The following TLE1 variants were observed in gnomAD, a reference collection of about 807,000 sequenced individuals.
TLE1 encodes the protein transducin-like enhancer protein 1.
A neutral mutation model predicts 89.8 loss-of-function variants in TLE1; 21 were observed. The ratio of observed to expected loss-of-function variants is 0.23; its 90% CI spans 0.17 to 0.34. TLE1 has a LOEUF of 0.34. Ranked by LOEUF, TLE1 falls within the 10% of genes least tolerant of loss-of-function variation. The probability of loss-of-function intolerance (pLI) is 1.00; values close to 1 mark genes in which losing one functional copy is unlikely to be tolerated. For synonymous variants in TLE1, 447 were observed against 407.6 expected (o/e 1.10, Z -1.16); for missense variants, 795 against 1,031.2 (o/e 0.77, Z 3.14).
intron 2 of TLE1, 120 bp downstream of exon 2, chr9:81,687,214 G>T (rs1396759303): frequency 9.1e-6 from 7 of 771,302 alleles, no homozygotes; most frequent in Non-Finnish European, 1.5e-5. Context: ...GGTCTTAACT[G>T]AGACTCCACA....
intron 6 of TLE1, among the ~76,000 whole-genome samples, chr9:81,643,665 G>C (rs941641466): frequency 6.6e-6 from 1 of 152,088 alleles, no homozygotes; most frequent in Non-Finnish European, 1.5e-5. Context: ...CTCCTGAGTA[G>C]CTGGGACTAC....
At chr9:81,605,059 G>A (rs533298285) in intron 14 of TLE1, among the ~76,000 whole-genome samples, 3 of 152,284 alleles carry the variant, frequency 2.0e-5, no homozygotes, top group South Asian at 2.1e-4. Context: ...GCCTGGCATC[G>A]CACACAAAGC....
intron 4 of TLE1, among the ~76,000 whole-genome samples, chr9:81,668,413 T>A (rs1249249518): frequency 6.6e-6 from 1 of 152,070 alleles, no homozygotes; most frequent in Non-Finnish European, 1.5e-5. Context: ...AGCAAAAGGA[T>A]CCTAGATGAC....
intron 6 of TLE1, among the ~76,000 whole-genome samples, chr9:81,640,336 A>T (rs1445174985): frequency 6.6e-6 from 1 of 152,116 alleles, no homozygotes; most frequent in African/African-American, 2.4e-5. Context: ...GTACCCTGTC[A>T]CAACACAAAA....
intron 6 of TLE1, among the ~76,000 whole-genome samples, chr9:81,649,889 G>A (rs1407098144): frequency 6.6e-6 from 1 of 152,136 alleles, no homozygotes; most frequent in Non-Finnish European, 1.5e-5. Flanking sequence ...CAAAAATCAA[G>A]CATATGCCAC....
Position 81,632,254 on chromosome 9 carries a change from ATT to A in TLE1, c.594+1092_594+1093del, listed in dbSNP as rs367687065. The stretch of plus-strand genomic sequence containing the variant: ...TCCCCTCTCAACATTTTCCAGAGAA[ATT>A]TATAGGACAAGAATTTTAAAACTAG... On this transcript the variant is annotated intron_variant, in intron 8 of 19. Transcript: ENST00000376499. Among the ~76,000 whole-genome samples the A allele has an allele frequency of 2.2e-3, 332 of 152,216 alleles. 3 individuals carry two copies. The highest frequency in any genetic ancestry group is 7.2e-3 in the African/African-American group (297 of 41,520).
At chr9:81,599,547 G>A (rs529225334) in intron 14 of TLE1, among the ~76,000 whole-genome samples, 1 of 152,104 alleles carries the variant, frequency 6.6e-6, no homozygotes. Context: ...TAATAAAGGC[G>A]GTGGCTGGGA....
intron 4 of TLE1, among the ~76,000 whole-genome samples, chr9:81,682,002 T>C (rs892718137): frequency 3.3e-5 from 5 of 151,824 alleles, no homozygotes; most frequent in African/African-American, 1.2e-4. Context: ...TCCTAGCACT[T>C]TGGGAGGCCA....
At chr9:81,661,769 A>G (rs545525315) in intron 4 of TLE1, among the ~76,000 whole-genome samples, 6 of 152,104 alleles carry the variant, frequency 3.9e-5, no homozygotes, top group Non-Finnish European at 8.8e-5. Context: ...CCCCCCCAAA[A>G]AAAATGTACA....
chr9:81,622,661 AG>A (rs756058663), intron 8 of TLE1, among the ~76,000 whole-genome samples: 59 of 152,358 alleles, frequency 3.9e-4, no homozygotes, highest in Non-Finnish European at 1.6e-4. Flanking sequence ...TAATCTGAAT[AG>A]GTTTTGAAAA....
chr9:81,622,813 G>T (rs148393875), intron 8 of TLE1, among the ~76,000 whole-genome samples: 47 of 152,202 alleles, frequency 3.1e-4, no homozygotes, highest in Admixed American at 6.5e-4. Context: ...CTGTAAAACT[G>T]ACTCAAAACA....
At chr9:81,610,347 T>C in intron 13 of TLE1, 51 bp from the exon 14 acceptor site, 1 of 1,380,666 alleles carries the variant, frequency 7.2e-7, no homozygotes, top group Non-Finnish European at 1.0e-6. Context: ...AGCAGGCACT[T>C]TGTGAACATC....
intron 6 of TLE1, among the ~76,000 whole-genome samples, chr9:81,646,582 T>C (rs148324186): frequency 6.6e-6 from 1 of 152,314 alleles, no homozygotes; most frequent in East Asian, 1.9e-4. Context: ...GCCAACCTCA[T>C]CCTCTTAAAC....
intron 12 of TLE1, 132 bp from the exon 13 acceptor site, chr9:81,612,091 G>A: frequency 4.2e-6 from 3 of 713,066 alleles, no homozygotes; most frequent in Non-Finnish European, 6.0e-6. Context: ...AGGGGAGGGG[G>A]AAAATCACCT....
chr9:81,687,918 T>G (rs1333455406), intron 1 of TLE1, among the ~76,000 whole-genome samples: 1 of 151,860 alleles, frequency 6.6e-6, no homozygotes, highest in Non-Finnish European at 1.5e-5. Flanking sequence ...GGGGGCGCCC[T>G]GCCCCCACTC....
chr9:81,664,492 GTC>G (rs2132824491), intron 4 of TLE1, among the ~76,000 whole-genome samples: 1 of 152,286 alleles, frequency 6.6e-6, no homozygotes, highest in East Asian at 1.9e-4. Context: ...AATCTAATGT[GTC>G]TGAGTAGCTT....
At chr9:81,628,504 C>T (rs899668198) in intron 8 of TLE1, among the ~76,000 whole-genome samples, 26 of 152,094 alleles carry the variant, frequency 1.7e-4, no homozygotes, top group African/African-American at 6.3e-4. Context: ...TCCTCCTTGC[C>T]TTCTATAATG....
rs1366272977 is a variant in TLE1, at chr9:81,608,886, G to A, written c.1331+1334C>T. Among the ~76,000 whole-genome samples the A allele has an allele frequency of 4.6e-5, 7 of 151,238 alleles. No individual in the cohort carries two copies. In the East Asian group the frequency reaches 7.8e-4, roughly 17 times the overall value. On this transcript the variant is annotated intron_variant, in intron 14 of 19. Coordinates refer to ENST00000376499, the MANE Select transcript of TLE1 (RefSeq NM_005077.5). ...CGGGAGGCAGAGGTTGCAGTGAGCCGAGATCGCACCACTGCACTCCAGCCT... is the reference window on the plus strand; with the variant it reads ...CGGGAGGCAGAGGTTGCAGTGAGCCAAGATCGCACCACTGCACTCCAGCCT...
intron 4 of TLE1, among the ~76,000 whole-genome samples, chr9:81,670,338 T>C (rs1251858796): frequency 6.6e-6 from 1 of 152,178 alleles, no homozygotes; most frequent in African/African-American, 2.4e-5. Flanking sequence ...CTTCCCTTTT[T>C]TTTTTGAGAC....
Sources: gnomAD v4.1 joint callset for allele counts (sites outside exome capture counted in the v4.1 genomes callset) on GRCh38, gnomAD v4.1.1 for gene constraint, MANE v1.5 for transcripts, NCBI Gene and HGNC (gene_info 2026-07-23, HGNC 2026-07-21) for gene names.